Variants in MACROD2 observed in about 807,000 individuals in gnomAD.
The protein encoded by MACROD2 is mono-ADP ribosylhydrolase 2.
Under a neutral mutation model 70.4 loss-of-function variants are expected in MACROD2, and 36 were observed. The observed-to-expected ratio is 0.51, with a 90% confidence interval of 0.39 to 0.68. The LOEUF (loss-of-function observed/expected upper bound fraction) is 0.68, where lower values mean the gene tolerates loss of function less well. Ranked by LOEUF, MACROD2 falls within the 30% of genes least tolerant of loss-of-function variation. MACROD2 has a pLI of 0.00. For missense variants in MACROD2, 496 were observed against 538.4 expected, an observed-to-expected ratio of 0.92 and a Z score of 0.78; for synonymous variants, 172 against 178.8, an observed-to-expected ratio of 0.96 and a Z score of 0.30.
chr20:14,988,983 G>A (rs1465493960), intron 5 of MACROD2, among the ~76,000 whole-genome samples: 1 of 151,928 alleles, frequency 6.6e-6, no homozygotes, highest in Non-Finnish European at 1.5e-5. Context: ...AAGAAACACA[G>A]GTAAGATTAT....
At position 14,910,164 on chromosome 20, in the gene MACROD2, G is replaced by A. The variant is rs114749037; in HGVS notation, c.418+225205G>A. ...TACTTCATTTTATAGGCCACAAACT[G>A]TTCATTTTAAGTTTGGTGTGCTCAA... On this transcript the variant is annotated intron_variant, in intron 5 of 17. Transcript: ENST00000684519. Among the ~76,000 whole-genome samples the A allele has an allele frequency of 8.1e-3, 1,228 of 152,236 alleles. 16 individuals are homozygous for A. Among genetic ancestry groups the A allele is most frequent in the African/African-American group, 0.028 (1,155 of 41,538 alleles).
intron 3 of MACROD2, among the ~76,000 whole-genome samples, chr20:14,310,880 A>G (rs1045002684): frequency 1.5e-4 from 22 of 147,590 alleles, no homozygotes; most frequent in African/African-American, 5.6e-4. Context: ...TTTTAAATAG[A>G]AAAAAACTTA....
Position 15,609,266 on chromosome 20 carries a change from A to G in MACROD2, c.645+109419A>G, listed in dbSNP as rs573006343. ...GTCGATAGGGAAGGTGAGAGAAGGA[A>G]GAACTTGGGAATCTTATTAATGGTA... On this transcript the variant is annotated intron_variant, in intron 8 of 17. Transcript: ENST00000684519. Among the ~76,000 whole-genome samples the G allele has an allele frequency of 9.3e-4, 142 of 152,344 alleles. 1 individual carries two copies. Among genetic ancestry groups the G allele is most frequent in the African/African-American group, 3.3e-3 (139 of 41,572 alleles).
At chr20:14,060,038 G>C (rs556618955) in intron 2 of MACROD2, among the ~76,000 whole-genome samples, 2 of 152,312 alleles carry the variant, frequency 1.3e-5, no homozygotes, top group South Asian at 2.1e-4. Flanking sequence ...ACGTGCTTAT[G>C]ATAAGCTTAG....
chr20:15,860,197 A>C (rs2064406355), intron 8 of MACROD2, among the ~76,000 whole-genome samples: 1 of 152,120 alleles, frequency 6.6e-6, no homozygotes, highest in East Asian at 1.9e-4. Context: ...TTAACCCCCC[A>C]TACACAAACA....
At chr20:14,324,228 C>T (rs1406769122) in intron 3 of MACROD2, 1 of 151,796 alleles carries the variant, frequency 6.6e-6, no homozygotes, top group Non-Finnish European at 1.5e-5. Context: ...ATACATGTAG[C>T]GTTGGATCAA....
intron 6 of MACROD2, among the ~76,000 whole-genome samples, chr20:15,310,726 T>A (rs1007031697): frequency 5.9e-5 from 9 of 151,956 alleles, no homozygotes; most frequent in Non-Finnish European, 2.9e-5. Flanking sequence ...AACAGAGAAG[T>A]CCTCAGATAA....
intron 3 of MACROD2, among the ~76,000 whole-genome samples, chr20:14,131,518 A>G (rs2054718161): frequency 6.6e-6 from 1 of 152,172 alleles, no homozygotes; most frequent in Non-Finnish European, 1.5e-5. Context: ...CTTTATCTCA[A>G]AGTAATTTGG....
chr20:15,563,577 A>T (rs2048272869), intron 8 of MACROD2, among the ~76,000 whole-genome samples: 5 of 152,240 alleles, frequency 3.3e-5, no homozygotes, highest in Admixed American at 3.3e-4. Flanking sequence ...ACTATTAAAA[A>T]GTATATTTCA....
chr20:15,412,022 C>T (rs766856696), intron 6 of MACROD2, among the ~76,000 whole-genome samples: 8 of 152,284 alleles, frequency 5.3e-5, no homozygotes, highest in Middle Eastern at 3.4e-3. Context: ...CCACCACTCT[C>T]CTCCCTGCCT....
At chr20:15,520,474 C>T (rs373381792) in intron 8 of MACROD2, among the ~76,000 whole-genome samples, 141 of 152,324 alleles carry the variant, frequency 9.3e-4, no homozygotes, top group African/African-American at 3.3e-3. Flanking sequence ...GGGGTGATGA[C>T]TATAGCGATG....
intron 10 of MACROD2, among the ~76,000 whole-genome samples, chr20:15,914,727 G>A (rs1311620083): frequency 4.6e-5 from 7 of 152,126 alleles, no homozygotes; most frequent in African/African-American, 1.4e-4. Context: ...TCTAGAGTGA[G>A]CATCAGGTGG....
intron 5 of MACROD2, among the ~76,000 whole-genome samples, chr20:14,818,758 A>G (rs1407286219): frequency 2.7e-5 from 4 of 150,888 alleles, no homozygotes; most frequent in Non-Finnish European, 5.9e-5. Flanking sequence ...GGTAATATGA[A>G]TGGAAGCATA....
chr20:15,292,346 A>AT (rs1221776132), intron 6 of MACROD2, among the ~76,000 whole-genome samples: 3 of 152,238 alleles, frequency 2.0e-5, no homozygotes, highest in African/African-American at 7.2e-5. Context: ...GTGAGAATAA[A>AT]TAAAGGTCCA....
At chr20:14,161,408 C>T (rs904205848) in intron 3 of MACROD2, among the ~76,000 whole-genome samples, 6 of 151,542 alleles carry the variant, frequency 4.0e-5, no homozygotes, top group South Asian at 2.1e-4. Flanking sequence ...AGGATGGTCT[C>T]GATCTCCTGA....
intron 5 of MACROD2, among the ~76,000 whole-genome samples, chr20:14,737,193 A>G (rs952355935): frequency 6.6e-6 from 1 of 152,062 alleles, no homozygotes; most frequent in African/African-American, 2.4e-5. Flanking sequence ...TATGCGTGAG[A>G]ACATGTGGTG....
intron 4 of MACROD2, among the ~76,000 whole-genome samples, chr20:14,662,681 A>G (rs1047430304): frequency 6.6e-6 from 1 of 152,222 alleles, no homozygotes; most frequent in African/African-American, 2.4e-5. Context: ...AAAGGACATG[A>G]ACAGACACTT....
intron 6 of MACROD2, among the ~76,000 whole-genome samples, chr20:15,353,931 A>G (rs1161299112): frequency 7.2e-6 from 1 of 137,944 alleles, no homozygotes; most frequent in African/African-American, 2.7e-5. Flanking sequence ...CCATTGTGGA[A>G]GTCAGTGTGG....
intron 6 of MACROD2, among the ~76,000 whole-genome samples, chr20:15,252,736 G>A (rs763776965): frequency 7.2e-5 from 11 of 152,156 alleles, no homozygotes; most frequent in Non-Finnish European, 1.5e-4. Flanking sequence ...TTGCAAAGCT[G>A]GGATTGGACC....
Sources: gnomAD v4.1 joint callset for allele counts (sites outside exome capture counted in the v4.1 genomes callset) on GRCh38, gnomAD v4.1.1 for gene constraint, MANE v1.5 for transcripts, NCBI Gene and HGNC (gene_info 2026-07-23, HGNC 2026-07-21) for gene names.